PAH: variants seen among roughly 807,000 people sequenced by gnomAD.
The protein encoded by PAH is phenylalanine-4-hydroxylase.
Under a neutral mutation model 62.0 loss-of-function variants are expected in PAH, and 64 were observed. That is an observed-to-expected ratio of 1.03 (90% CI 0.84 to 1.27). The LOEUF (loss-of-function observed/expected upper bound fraction) is 1.27. PAH is among the 50% of genes most tolerant of loss of function. The pLI is 0.00. For synonymous variants in PAH, 195 were observed against 196.2 expected (o/e 0.99, Z 0.05); for missense variants, 579 against 542.8 (o/e 1.07, Z -0.66).
intron 5 of PAH, among the ~76,000 whole-genome samples, chr12:102,860,013 C>T (rs1258267076): frequency 1.3e-5 from 2 of 151,864 alleles, no homozygotes; most frequent in Admixed American, 1.3e-4. Context: ...AAACGGTATT[C>T]AATTAGGAAA....
intron 2 of PAH, among the ~76,000 whole-genome samples, chr12:102,904,583 ATACC>A (rs1434502767): frequency 1.3e-5 from 2 of 152,224 alleles, no homozygotes; most frequent in Admixed American, 6.5e-5. Flanking sequence ...TTCTGATAAA[ATACC>A]TACTATCATA....
chr12:102,912,976 G>T, intron 1 of PAH, 78 bp from the exon 2 acceptor site: 1 of 918,698 alleles, frequency 1.1e-6, no homozygotes, highest in Non-Finnish European at 1.8e-6. Context: ...CATGGACAAA[G>T]CAAGCATGAA....
intron 4 of PAH, among the ~76,000 whole-genome samples, chr12:102,867,463 G>A (rs73389572): frequency 0.027 from 4,086 of 152,220 alleles, 176 homozygotes; most frequent in African/African-American, 0.092. Flanking sequence ...TGAGTGTTTG[G>A]GGTGGAAATG....
intron 2 of PAH, among the ~76,000 whole-genome samples, chr12:102,906,352 C>T (rs1877977697): frequency 6.6e-6 from 1 of 152,104 alleles, no homozygotes; most frequent in Admixed American, 6.5e-5. Context: ...GATTCCACTT[C>T]TAGGTATCTA....
intron 1 of PAH, among the ~76,000 whole-genome samples, chr12:102,937,873 C>T (rs898291965): frequency 6.6e-6 from 1 of 152,166 alleles, no homozygotes; most frequent in Non-Finnish European, 1.5e-5. Flanking sequence ...GATAAAATCC[C>T]TCAGGTTTTG....
At chr12:102,927,911 C>T (rs1878731563) in intron 1 of PAH, among the ~76,000 whole-genome samples, 1 of 152,166 alleles carries the variant, frequency 6.6e-6, no homozygotes, top group Admixed American at 6.5e-5. Flanking sequence ...TTCCCACTTA[C>T]ATGTATGTAA....
rs1368765465 is a variant in PAH at position 102,894,886 on chromosome 12, A to C, written c.201T>G (p.Ser67=). ...CATCTTTCTTTAAACGAGAAGGTCT[A>C]GATTCAATGTGGGTCAGGTTTACAT... The part of the protein sequence containing the change: ...ENDVNLTHIE[S]RPSRLKKDEY... Residue 67 remains serine, a synonymous_variant, in exon 3 of 13, where the codon TCT becomes TCG. Coordinates refer to ENST00000553106, the MANE Select transcript of PAH (RefSeq NM_000277.3). 1 of 1,613,976 alleles carries C rather than the reference A, an allele frequency of 6.2e-7. No individual in the cohort carries two copies. Among genetic ancestry groups the C allele is most frequent in the Admixed American group, 1.7e-5 (1 of 60,020 alleles).
At chr12:102,859,058 CA>C (rs1875586642) in intron 5 of PAH, among the ~76,000 whole-genome samples, 1 of 151,682 alleles carries the variant, frequency 6.6e-6, no homozygotes, top group Non-Finnish European at 1.5e-5. Flanking sequence ...AAAAGATCGA[CA>C]AAATTGATAG....
intron 4 of PAH, 89 bp from the exon 5 acceptor site, chr12:102,866,752 C>A: frequency 2.0e-6 from 2 of 983,000 alleles, no homozygotes; most frequent in East Asian, 2.4e-5. Flanking sequence ...GCTCTCAAGC[C>A]ATGACAGTGC....
chr12:102,852,976 T>C (rs1479667504), intron 6 of PAH, 26 bp from the exon 7 acceptor site: 2 of 1,612,662 alleles, frequency 1.2e-6, no homozygotes, highest in African/African-American at 1.3e-5. Context: ...GAAAGAAAAC[T>C]CAAAGCTCAT....
At chr12:102,942,821 A>G (rs891814913) in intron 1 of PAH, among the ~76,000 whole-genome samples, 4 of 152,098 alleles carry the variant, frequency 2.6e-5, no homozygotes, top group African/African-American at 9.7e-5. Flanking sequence ...TGGGAAGGGA[A>G]TACCTACTCA....
chr12:102,843,718 T>C lies in PAH; in HGVS notation c.1127A>G (p.Asn376Ser). 6.2e-7 allele frequency: 1 copy of C among 1,613,780 alleles called. No individual in the cohort carries two copies. Among genetic ancestry groups the C allele is most frequent in the South Asian group, 1.1e-5 (1 of 91,074 alleles). The change falls in exon 11 of 13, where the codon AAT (asparagine) becomes AGT (serine). Residue 376 changes from asparagine (N) to serine (S), a missense_variant. Coordinates refer to ENST00000553106, the MANE Select transcript of PAH (RefSeq NM_000277.3). ...GGGCTGGAACTCCGTGACAGTGTAATTTTGGATGGCTGTCTTCTCCAGCTC... is the reference window on the plus strand; with the variant it reads ...GGGCTGGAACTCCGTGACAGTGTAACTTTGGATGGCTGTCTTCTCCAGCTC... ...PLELEKTAIQ[N>S]YTVTEFQPLY...
At chr12:102,903,186 C>T (rs952237663) in intron 2 of PAH, among the ~76,000 whole-genome samples, 3 of 152,060 alleles carry the variant, frequency 2.0e-5, no homozygotes, top group African/African-American at 7.2e-5. Context: ...CATAGTGAAA[C>T]CCCGTCTCAA....
intron 5 of PAH, among the ~76,000 whole-genome samples, chr12:102,857,717 A>C (rs147152309): frequency 0.027 from 4,123 of 152,234 alleles, 184 homozygotes; most frequent in African/African-American, 0.092. Context: ...TCATATCCAG[A>C]CAAACTAAGC....
intron 6 of PAH, chr12:102,854,827 A>G (rs1875335723): frequency 2.3e-6 from 1 of 426,858 alleles, no homozygotes; most frequent in South Asian, 2.1e-5. Flanking sequence ...AACAAAACAA[A>G]ACAAAAAAAA....
chr12:102,895,054 A>T (rs1877445422), intron 2 of PAH, 136 bp from the exon 3 acceptor site: 1 of 720,268 alleles, frequency 1.4e-6, no homozygotes, highest in Non-Finnish European at 2.3e-6. Context: ...AAGAGTATAA[A>T]AAAGTCCTTA....
At chr12:102,886,772 C>A (rs1391611969) in intron 3 of PAH, among the ~76,000 whole-genome samples, 3 of 152,112 alleles carry the variant, frequency 2.0e-5, no homozygotes, top group Non-Finnish European at 4.4e-5. Context: ...ATGTATTATG[C>A]CATGTAGCCA....
chr12:102,893,064 T>C (rs2136699388), intron 3 of PAH, among the ~76,000 whole-genome samples: 1 of 152,340 alleles, frequency 6.6e-6, no homozygotes, highest in Non-Finnish European at 1.5e-5. Flanking sequence ...CTCTCTGTAC[T>C]TTCTGTGCAG....
intron 5 of PAH, among the ~76,000 whole-genome samples, chr12:102,861,835 T>C (rs2454390): frequency 0.89 from 134,585 of 151,850 alleles, 59,814 homozygotes; most frequent in African/African-American, 0.95. Flanking sequence ...GTTGTGGGGT[T>C]GGGGGAAGGG....
Sources: allele counts gnomAD v4.1 joint callset (sites outside exome capture counted in the v4.1 genomes callset), GRCh38; gene constraint gnomAD v4.1.1; transcripts MANE v1.5; gene names NCBI Gene and HGNC (gene_info 2026-07-23, HGNC 2026-07-21).